SOBP: variants seen among roughly 807,000 people sequenced by gnomAD.
SOBP encodes sine oculis-binding protein homolog.
In SOBP, 4 loss-of-function variants were observed where a neutral mutation model predicts 53.6. The observed-to-expected ratio is 0.07, with a 90% CI of 0.04 to 0.17. The LOEUF (loss-of-function observed/expected upper bound fraction) is 0.17, where lower values mean the gene tolerates loss of function less well. Among genes scored for constraint, SOBP ranks in the 10% least tolerant of loss-of-function variants. The pLI is 1.00. For synonymous variants in SOBP, 584 were observed against 522.6 expected, an observed-to-expected ratio of 1.12 and a Z score of -1.60; for missense variants, 1,088 against 1,204.7, an observed-to-expected ratio of 0.90 and a Z score of 1.43.
At position 107,633,652 on chromosome 6, in the gene SOBP, A is replaced by G; in HGVS notation, c.808A>G (p.Asn270Asp). Reference sequence around the variant, plus strand: ...CATTTTCTACAAAGAGACCCAGGCCAATCTTCCAGCTGGGCTGTGCAGCAC... The same window carrying G: ...CATTTTCTACAAAGAGACCCAGGCCGATCTTCCAGCTGGGCTGTGCAGCAC... Reference protein sequence around the residue: ...MDIFYKETQANLPAGLCSTLH... With the variant: ...MDIFYKETQADLPAGLCSTLH... The change falls in exon 6 of 7, where the codon AAT (asparagine) becomes GAT (aspartate). Residue 270 changes from asparagine (N) to aspartate (D), a missense_variant. Transcript: ENST00000317357. 6.2e-7 allele frequency: 1 copy of G among 1,614,276 alleles called. No individual in the cohort carries two copies. The highest frequency in any genetic ancestry group is 8.5e-7 in the Non-Finnish European group (1 of 1,180,048).
intron 5 of SOBP, among the ~76,000 whole-genome samples, chr6:107,625,913 T>C (rs1345946145): frequency 6.6e-6 from 1 of 152,196 alleles, no homozygotes; most frequent in Non-Finnish European, 1.5e-5. Context: ...ATACTTCACT[T>C]TTTAACACAT....
chr6:107,505,648 T>G (rs972060543), intron 2 of SOBP, among the ~76,000 whole-genome samples: 1 of 151,256 alleles, frequency 6.6e-6, no homozygotes, highest in Non-Finnish European at 1.5e-5. Flanking sequence ...TTTGTTTTGT[T>G]TTGTGTTGTT....
rs1266748187 is a variant in SOBP, at chr6:107,634,327, A to G, written c.1483A>G (p.Met495Val). The change falls in exon 6 of 7, where the codon ATG (methionine) becomes GTG (valine). Residue 495 changes from methionine (M) to valine (V), a missense_variant. Transcript: ENST00000317357. The surrounding 1 kb of genome is among the most constrained non-coding windows in gnomAD (Gnocchi z 4.5). Reference sequence around the variant, plus strand: ...GAGTCTTCCCTTCCCGCCAGTGAGCATGATGCCAAATGGCCCGATGCCGGT... The same window carrying G: ...GAGTCTTCCCTTCCCGCCAGTGAGCGTGATGCCAAATGGCCCGATGCCGGT... ...LPSLPFPPVS[M>V]MPNGPMPVPQ... 1.3e-6 allele frequency: 2 copies of G among 1,583,384 alleles called. No individual in the cohort carries two copies. Among genetic ancestry groups the G allele is most frequent in the Admixed American group, 3.4e-5 (2 of 58,164 alleles).
intron 4 of SOBP, among the ~76,000 whole-genome samples, chr6:107,550,369 G>T (rs368977293): frequency 2.6e-5 from 4 of 152,208 alleles, no homozygotes; most frequent in Non-Finnish European, 5.9e-5. Context: ...CTGTTTGAGC[G>T]TGTGAATTGT....
intron 3 of SOBP, among the ~76,000 whole-genome samples, chr6:107,525,008 T>C (rs1193313938): frequency 6.6e-6 from 1 of 152,252 alleles, no homozygotes. Flanking sequence ...TTGTTTAACT[T>C]TGTTTAGCCT....
chr6:107,550,623 C>G (rs1351253433), intron 4 of SOBP, among the ~76,000 whole-genome samples: 1 of 152,116 alleles, frequency 6.6e-6, no homozygotes, highest in Non-Finnish European at 1.5e-5. Flanking sequence ...CCGGGCACCA[C>G]AGGGTGACTT....
intron 3 of SOBP, among the ~76,000 whole-genome samples, chr6:107,512,189 A>G (rs1783189922): frequency 6.6e-6 from 1 of 152,240 alleles, no homozygotes; most frequent in African/African-American, 2.4e-5. Context: ...TGCTAATTTA[A>G]AAAATCACAT....
At chr6:107,551,819 G>A (rs1027810694) in intron 4 of SOBP, among the ~76,000 whole-genome samples, 4 of 152,112 alleles carry the variant, frequency 2.6e-5, no homozygotes, top group African/African-American at 9.7e-5. Flanking sequence ...TCAGGAGTTC[G>A]ATACCAGCCT....
At chr6:107,539,652 G>A (rs987903716) in intron 4 of SOBP, among the ~76,000 whole-genome samples, 6 of 152,206 alleles carry the variant, frequency 3.9e-5, no homozygotes, top group African/African-American at 9.7e-5. Context: ...ATGAATGTGC[G>A]TGTTTGGAGT....
chr6:107,566,892 C>G (rs1439539495), intron 4 of SOBP, among the ~76,000 whole-genome samples: 1 of 152,192 alleles, frequency 6.6e-6, no homozygotes, highest in African/African-American at 2.4e-5. Context: ...ATGTGCCCAA[C>G]CTTGGTCCAG....
intron 4 of SOBP, among the ~76,000 whole-genome samples, chr6:107,560,354 C>T (rs1784739618): frequency 1.3e-5 from 2 of 152,136 alleles, no homozygotes; most frequent in South Asian, 4.2e-4. Context: ...TGTGTGAAGC[C>T]AGGGTGAGAA....
chr6:107,609,501 G>A (rs529163122), intron 5 of SOBP, among the ~76,000 whole-genome samples: 2 of 152,368 alleles, frequency 1.3e-5, no homozygotes, highest in East Asian at 3.9e-4. Flanking sequence ...ATAGTAGAGA[G>A]AAATTACAGA....
At chr6:107,572,789 T>C (rs916682019) in intron 4 of SOBP, among the ~76,000 whole-genome samples, 5 of 152,222 alleles carry the variant, frequency 3.3e-5, no homozygotes, top group African/African-American at 1.2e-4. Context: ...AAAGGTGTCC[T>C]CTGTTATTGA....
intron 4 of SOBP, among the ~76,000 whole-genome samples, chr6:107,539,083 A>C (rs1157091963): frequency 6.6e-6 from 1 of 152,180 alleles, no homozygotes; most frequent in Non-Finnish European, 1.5e-5. Flanking sequence ...ATGTTCACCA[A>C]AACACTTGAA....
At chr6:107,518,916 G>T (rs1783403679) in intron 3 of SOBP, among the ~76,000 whole-genome samples, 1 of 151,850 alleles carries the variant, frequency 6.6e-6, no homozygotes, top group African/African-American at 2.4e-5. Flanking sequence ...CCTATATTTA[G>T]TCTGTTCATA....
At position 107,634,745 on chromosome 6, in the gene SOBP, CGGGCG is replaced by C; in HGVS notation, c.1902_1906del (p.Ala636ArgfsTer99). 7.5e-7 allele frequency: 1 copy of C among 1,332,002 alleles called. No homozygotes were observed. Among genetic ancestry groups the C allele is most frequent in the Admixed American group, 3.8e-5 (1 of 26,394 alleles). 82.5% of individuals were successfully genotyped at this position (1,332,002 alleles called of 1,614,324 possible). The stretch of plus-strand genomic sequence containing the variant: ...CGCGCCGGCAGCCCCCCGGGCCCCC[CGGGCG>C]CGGGCGGCCAGCTCGGCTTCCCAGG... On this transcript the variant is annotated frameshift_variant, in exon 6 of 7. Transcript: ENST00000317357. LOFTEE classifies it high-confidence loss of function. This position sits in a 1 kb window ranked among gnomAD's most constrained non-coding sequence, Gnocchi z 4.5.
At chr6:107,527,977 C>T (rs970925636) in intron 3 of SOBP, among the ~76,000 whole-genome samples, 1 of 152,174 alleles carries the variant, frequency 6.6e-6, no homozygotes, top group African/African-American at 2.4e-5. Context: ...CCTTTGGCTG[C>T]CCTCAGGTTG....
chr6:107,616,084 TGG>T (rs576223347), intron 5 of SOBP, among the ~76,000 whole-genome samples: 62 of 62,566 alleles, frequency 9.9e-4, no homozygotes, highest in South Asian at 3.8e-3. Context: ...GGAAGGGGGG[TGG>T]GGGGGGGGCG....
chr6:107,586,412 T>C (rs1374121546), intron 4 of SOBP, among the ~76,000 whole-genome samples: 1 of 152,220 alleles, frequency 6.6e-6, no homozygotes, highest in Non-Finnish European at 1.5e-5. Context: ...ATGCAAGCGG[T>C]ATTGCTAATG....
Sources: allele counts gnomAD v4.1 joint callset (sites outside exome capture counted in the v4.1 genomes callset), GRCh38; gene constraint gnomAD v4.1.1; non-coding constraint Gnocchi (gnomAD v3.1); transcripts MANE v1.5; gene names NCBI Gene and HGNC (gene_info 2026-07-23, HGNC 2026-07-21).